Variants in ANKAR observed in about 807,000 individuals in gnomAD.
ANKAR encodes ankyrin and armadillo repeat containing.
ANKAR carries 136 observed loss-of-function variants against 146.2 expected under a neutral mutation model. That is an observed-to-expected ratio of 0.93 (90% CI 0.81 to 1.07). The LOEUF is 1.07. Among genes scored for constraint, ANKAR ranks in the 50% least tolerant of loss-of-function variants. ANKAR has a pLI of 0.00. For synonymous variants in ANKAR, 500 were observed against 575.8 expected (o/e 0.87, Z 1.88); for missense variants, 1,567 against 1,679.9 (o/e 0.93, Z 1.18).
chr2:189,686,708 C>T (rs55792400), intron 2 of ANKAR, among the ~76,000 whole-genome samples: 35,632 of 152,124 alleles, frequency 0.23, 4,529 homozygotes, highest in African/African-American at 0.33. Context: ...TATATTGTAT[C>T]TGTATTCACT....
In ANKAR at chr2:189,727,917, T is replaced by A. The variant is rs746123364; in HGVS notation, c.2697T>A (p.Ile899=). ...IAEVGRDNKE[I]QDAIAMEGAI... The stretch of plus-strand genomic sequence containing the variant: ...AGGTTGGGCGTGACAATAAGGAAAT[T>A]CAGGATGCTATAGCTATGGAGGGAG... The change falls in exon 13 of 23, where the codon ATT becomes ATA. Residue 899 remains isoleucine (I), a synonymous_variant. Coordinates refer to ENST00000684021, the MANE Select transcript of ANKAR (RefSeq NM_001378068.1). 2 of 1,614,050 alleles carry A rather than the reference T, an allele frequency of 1.2e-6. No individual in the cohort carries two copies. Among genetic ancestry groups the A allele is most frequent in the Non-Finnish European group, 8.5e-7 (1 of 1,179,960 alleles).
chr2:189,688,727 C>A (rs1192374300), intron 2 of ANKAR, among the ~76,000 whole-genome samples: 1 of 152,206 alleles, frequency 6.6e-6, no homozygotes, highest in South Asian at 2.1e-4. Flanking sequence ...ATTGAACAAA[C>A]ATGCACGTTA....
At chr2:189,728,227 A>G (rs192994487) in intron 13 of ANKAR, 40 bp from the exon 14 acceptor site, 7 of 1,551,724 alleles carry the variant, frequency 4.5e-6, no homozygotes, top group Middle Eastern at 1.8e-4. Context: ...AAAATGTTCA[A>G]TAAATGTTCA....
chr2:189,700,033 C>A (rs1280408085), intron 7 of ANKAR, among the ~76,000 whole-genome samples: 1 of 148,016 alleles, frequency 6.8e-6, no homozygotes, highest in Non-Finnish European at 1.5e-5. Flanking sequence ...TTTTACTTGA[C>A]CTTCATTTTT....
chr2:189,754,831 T>G, intron 18 of ANKAR: 1 of 281,420 alleles, frequency 3.6e-6, no homozygotes, highest in Non-Finnish European at 6.6e-6. Context: ...AATGTCCTTA[T>G]GTTAATCTAT....
chr2:189,728,347 T>C lies in ANKAR; in HGVS notation c.2958T>C (p.Tyr986=). 6.2e-7 allele frequency: 1 copy of C among 1,613,432 alleles called. No individual in the cohort carries two copies. The highest frequency in any genetic ancestry group is 2.2e-5 in the East Asian group (1 of 44,868). ...LAGQTLKQQK[Y]MAEQIGYSFI... The stretch of plus-strand genomic sequence containing the variant: ...GACAAACACTAAAACAACAAAAATA[T>C]ATGGCAGAACAAATTGGATACAGCT... The change falls in exon 14 of 23, where the codon TAT becomes TAC. Residue 986 remains tyrosine, a synonymous_variant. Coordinates refer to ENST00000684021, the MANE Select transcript of ANKAR (RefSeq NM_001378068.1).
chr2:189,725,909 AAAAAGAAAAGAAAAG>A (rs538526500), intron 12 of ANKAR, among the ~76,000 whole-genome samples: 2 of 152,272 alleles, frequency 1.3e-5, no homozygotes, highest in Admixed American at 1.3e-4. Flanking sequence ...CCTTGTCTCA[AAAAAGAAAAGAAAAG>A]AAAAGAAAAG....
chr2:189,719,384 C>T (rs1325631356), intron 10 of ANKAR, among the ~76,000 whole-genome samples, 188 bp from the exon 11 acceptor site: 1 of 152,042 alleles, frequency 6.6e-6, no homozygotes, highest in Non-Finnish European at 1.5e-5. Context: ...CTGCCCATAC[C>T]AAAGACAAGA....
At chr2:189,717,233 C>A (rs2040581126) in intron 10 of ANKAR, among the ~76,000 whole-genome samples, 1 of 152,036 alleles carries the variant, frequency 6.6e-6, no homozygotes, top group Non-Finnish European at 1.5e-5. Context: ...AGAACTTAAA[C>A]AAATTTACAA....
At chr2:189,675,294 T>C (rs528706008) in intron 1 of ANKAR, among the ~76,000 whole-genome samples, 32 of 152,270 alleles carry the variant, frequency 2.1e-4, no homozygotes, top group African/African-American at 7.5e-4. Context: ...GTAGTTGTGG[T>C]TATTATTATT....
chr2:189,718,308 A>ATATCTATATC (rs113038526), intron 10 of ANKAR, among the ~76,000 whole-genome samples: 1 of 151,478 alleles, frequency 6.6e-6, no homozygotes, highest in Non-Finnish European at 1.5e-5. Context: ...ATATCTATCT[A>ATATCTATATC]TATATCTATC....
chr2:189,738,842 C>T (rs1057496752), intron 19 of ANKAR, among the ~76,000 whole-genome samples, 160 bp downstream of exon 19: 7 of 152,200 alleles, frequency 4.6e-5, no homozygotes, highest in African/African-American at 1.7e-4. Flanking sequence ...AGCAAGTCTA[C>T]ACGAAACAAT....
intron 10 of ANKAR, among the ~76,000 whole-genome samples, chr2:189,713,350 G>A (rs2039970323): frequency 2.0e-5 from 3 of 152,152 alleles, no homozygotes; most frequent in African/African-American, 2.4e-5. Context: ...AAGAAAAAAT[G>A]TTAAGGGCAG....
At chr2:189,684,798 C>T (rs1357488552) in intron 2 of ANKAR, among the ~76,000 whole-genome samples, 2 of 141,526 alleles carry the variant, frequency 1.4e-5, no homozygotes, top group Non-Finnish European at 3.0e-5. Context: ...CATACCACTA[C>T]ACTCCAGCCT....
chr2:189,762,422 A>T (rs1175860739), downstream of ANKAR: 1 of 221,506 alleles, frequency 4.5e-6, no homozygotes. Context: ...GAGATGAGCG[A>T]CCTATTTGCA....
chr2:189,712,118 C>T (rs558690129), intron 10 of ANKAR, among the ~76,000 whole-genome samples: 32 of 151,670 alleles, frequency 2.1e-4, no homozygotes, highest in Non-Finnish European at 2.8e-4. Context: ...GAGCCCACTG[C>T]AGCTCACCAA....
chr2:189,680,025 C>G (rs1164212689), intron 2 of ANKAR, among the ~76,000 whole-genome samples: 1 of 152,128 alleles, frequency 6.6e-6, no homozygotes, highest in Non-Finnish European at 1.5e-5. Flanking sequence ...AAGACTGATA[C>G]CAGTTCTTCT....
chr2:189,737,604 G>C, intron 17 of ANKAR, 79 bp from the exon 18 acceptor site: 1 of 1,306,056 alleles, frequency 7.7e-7, no homozygotes, highest in Non-Finnish European at 1.0e-6. Flanking sequence ...ATATTTTAAT[G>C]AGCAAGAACT....
chr2:189,683,479 C>T (rs190832664), intron 2 of ANKAR, among the ~76,000 whole-genome samples: 1 of 152,216 alleles, frequency 6.6e-6, no homozygotes, highest in African/African-American at 2.4e-5. Flanking sequence ...CTGTGTGGAG[C>T]AAAAACTACA....
Sources: allele counts gnomAD v4.1 joint callset (sites outside exome capture counted in the v4.1 genomes callset), GRCh38; gene constraint gnomAD v4.1.1; transcripts MANE v1.5; gene names NCBI Gene and HGNC (gene_info 2026-07-23, HGNC 2026-07-21).